Variants in MDGA2 observed in about 807,000 individuals in gnomAD.
MDGA2 encodes MAM domain containing glycosylphosphatidylinositol anchor 2.
A neutral mutation model predicts 117.8 loss-of-function variants in MDGA2; 40 were observed. The ratio of observed to expected loss-of-function variants is 0.34; its 90% CI spans 0.26 to 0.44. The LOEUF is 0.44. Ranked by LOEUF, MDGA2 falls within the 20% of genes least tolerant of loss-of-function variation. MDGA2 has a pLI of 1.00. For synonymous variants in MDGA2, 452 were observed against 439.0 expected, an observed-to-expected ratio of 1.03 and a Z score of -0.37; for missense variants, 1,123 against 1,250.6, an observed-to-expected ratio of 0.90 and a Z score of 1.54.
intron 14 of MDGA2, among the ~76,000 whole-genome samples, chr14:46,872,434 C>A (rs1352208134): frequency 6.6e-6 from 1 of 151,806 alleles, no homozygotes; most frequent in Admixed American, 6.6e-5. Flanking sequence ...TGTATTGATG[C>A]AGTGACTCAT....
At chr14:46,991,168 G>T (rs1000772539) in intron 8 of MDGA2, among the ~76,000 whole-genome samples, 2 of 151,938 alleles carry the variant, frequency 1.3e-5, no homozygotes, top group African/African-American at 4.8e-5. Context: ...TCTATTTAAA[G>T]TTCTGTGGAA....
chr14:47,508,180 T>A (rs1363451378), intron 1 of MDGA2, among the ~76,000 whole-genome samples: 1 of 152,222 alleles, frequency 6.6e-6, no homozygotes, highest in African/African-American at 2.4e-5. Flanking sequence ...ATCTCTCCTA[T>A]AAATCTTACT....
intron 1 of MDGA2, among the ~76,000 whole-genome samples, chr14:47,423,095 A>G (rs1452084257): frequency 1.3e-5 from 2 of 152,128 alleles, no homozygotes; most frequent in African/African-American, 4.8e-5. Context: ...TAGATGTACA[A>G]TCCTTGCTTT....
intron 1 of MDGA2, among the ~76,000 whole-genome samples, chr14:47,589,162 C>T (rs978093564): frequency 1.3e-5 from 2 of 151,860 alleles, no homozygotes; most frequent in African/African-American, 2.4e-5. Flanking sequence ...ATTCAAATGT[C>T]GACATCTTTG....
intron 2 of MDGA2, among the ~76,000 whole-genome samples, 158 bp downstream of exon 2, chr14:47,301,253 T>C (rs1042317069): frequency 1.2e-4 from 18 of 150,882 alleles, no homozygotes; most frequent in African/African-American, 4.2e-4. Flanking sequence ...GCGTTGCACA[T>C]ATACTTGCAC....
chr14:47,422,273 A>G (rs1892595958), intron 1 of MDGA2, among the ~76,000 whole-genome samples: 1 of 152,160 alleles, frequency 6.6e-6, no homozygotes, highest in Non-Finnish European at 1.5e-5. Flanking sequence ...CTTCCCAATT[A>G]CTTTTTTTCC....
chr14:47,431,429 G>C (rs1296240842), intron 1 of MDGA2, among the ~76,000 whole-genome samples: 1 of 151,974 alleles, frequency 6.6e-6, no homozygotes, highest in Non-Finnish European at 1.5e-5. Context: ...TCATTGGAAT[G>C]CTATGGGACT....
chr14:47,187,601 C>A (rs1008169655), intron 3 of MDGA2, among the ~76,000 whole-genome samples: 9 of 151,950 alleles, frequency 5.9e-5, no homozygotes, highest in African/African-American at 1.4e-4. Flanking sequence ...TATGAATACA[C>A]CAAAATTTAT....
In MDGA2 at chr14:47,255,421, A is replaced by T. The variant is rs543358110; in HGVS notation, c.421-37226T>A. On this transcript the variant is annotated intron_variant, in intron 2 of 16. Transcript: ENST00000399232. Reference sequence around the variant, plus strand: ...GTGCTTTTATGTAAGATATAACATGATCAGATTTGTGTGTTCATTGTAGGT... The same window carrying T: ...GTGCTTTTATGTAAGATATAACATGTTCAGATTTGTGTGTTCATTGTAGGT... Among the ~76,000 whole-genome samples the T allele has an allele frequency of 2.6e-5, 4 of 152,236 alleles. No individual in the cohort carries two copies. The South Asian group carries it at 6.2e-4, about 24-fold the overall frequency.
chr14:47,517,746 AG>A (rs1894784687), intron 1 of MDGA2, among the ~76,000 whole-genome samples: 1 of 152,204 alleles, frequency 6.6e-6, no homozygotes, highest in Non-Finnish European at 1.5e-5. Context: ...CATGAAGAAT[AG>A]CTTATACTTA....
At chr14:47,218,329 A>G in intron 2 of MDGA2, 134 bp from the exon 3 acceptor site, 1 of 765,880 alleles carries the variant, frequency 1.3e-6, no homozygotes, top group South Asian at 2.2e-5. Context: ...TGAAGAAAAA[A>G]TTAATGTTTA....
chr14:47,360,273 C>T (rs1891088066), intron 1 of MDGA2, among the ~76,000 whole-genome samples: 1 of 151,788 alleles, frequency 6.6e-6, no homozygotes, highest in Non-Finnish European at 1.5e-5. Context: ...ATTGCTTCAA[C>T]CTGGGAGGCG....
chr14:47,138,906 A>G (rs1882582893), intron 4 of MDGA2, among the ~76,000 whole-genome samples: 1 of 152,100 alleles, frequency 6.6e-6, no homozygotes, highest in African/African-American at 2.4e-5. Flanking sequence ...TTATGAATTC[A>G]TATCAGCTTT....
intron 2 of MDGA2, among the ~76,000 whole-genome samples, chr14:47,251,948 A>G (rs571211668): frequency 2.0e-4 from 31 of 151,904 alleles, no homozygotes; most frequent in Admixed American, 1.3e-4. Flanking sequence ...TATTATTATT[A>G]TTATTATTGG....
intron 8 of MDGA2, among the ~76,000 whole-genome samples, chr14:46,974,952 T>A (rs773104961): frequency 3.9e-5 from 6 of 151,900 alleles, no homozygotes; most frequent in Non-Finnish European, 7.4e-5. Context: ...CAACTCAGAT[T>A]TATGATAAGC....
rs1423855540 is a variant in MDGA2 at position 47,020,426 on chromosome 14, C to T, written c.1819+14585G>A. On this transcript the variant is annotated intron_variant, in intron 8 of 16. Transcript: ENST00000399232. ...CTTAAGTACAAAAATGAAAAAAGAT[C>T]GGGAATGTCTTATGTAGAATTCTAG... is the stretch of plus-strand genomic sequence containing the variant. 3.3e-5 allele frequency among the ~76,000 whole-genome samples: 5 copies of T among 152,198 alleles called. No individual in the cohort carries two copies. In the East Asian group the frequency reaches 9.7e-4, roughly 29 times the overall value.
intron 1 of MDGA2, among the ~76,000 whole-genome samples, chr14:47,387,096 A>G (rs1891776808): frequency 6.6e-6 from 1 of 152,162 alleles, no homozygotes; most frequent in Non-Finnish European, 1.5e-5. Context: ...TTCAGAGGGT[A>G]TGACTCGTGT....
intron 1 of MDGA2, among the ~76,000 whole-genome samples, chr14:47,656,419 T>C (rs1291364435): frequency 6.6e-6 from 1 of 152,158 alleles, no homozygotes; most frequent in African/African-American, 2.4e-5. Context: ...GTACTGCACC[T>C]GCCCTGCAGC....
intron 1 of MDGA2, among the ~76,000 whole-genome samples, chr14:47,420,505 G>A (rs544683429): frequency 1.3e-5 from 2 of 152,230 alleles, no homozygotes; most frequent in South Asian, 4.1e-4. Flanking sequence ...GAAGGAAGTA[G>A]AGGAGAAGAA....
Sources: gnomAD v4.1 joint callset for allele counts (sites outside exome capture counted in the v4.1 genomes callset) on GRCh38, gnomAD v4.1.1 for gene constraint, MANE v1.5 for transcripts, NCBI Gene and HGNC (gene_info 2026-07-23, HGNC 2026-07-21) for gene names.